Variants in MPP3 observed in about 807,000 individuals in gnomAD.
MPP3 encodes the protein MAGUK p55 subfamily member 3.
Under a neutral mutation model 80.7 loss-of-function variants are expected in MPP3, and 48 were observed. The observed-to-expected ratio is 0.59, with a 90% CI of 0.47 to 0.76. MPP3 has a LOEUF of 0.76. MPP3 is among the 30% of genes least tolerant of loss of function. The probability of loss-of-function intolerance (pLI) is 0.00; values close to 1 mark genes in which losing one functional copy is unlikely to be tolerated. For missense variants in MPP3, 620 were observed against 763.0 expected (o/e 0.81, Z 2.21); for synonymous variants, 311 against 297.6 (o/e 1.04, Z -0.46).
rs536890818 is a variant in MPP3, at chr17:43,816,659, G to C, written c.967+18C>G. 6 of 1,569,994 alleles carry C rather than the reference G, an allele frequency of 3.8e-6. No homozygotes were observed. The East Asian group carries it at 1.4e-4, about 37-fold the overall frequency. On this transcript the variant is annotated intron_variant, in intron 13 of 19. Coordinates refer to ENST00000398389, the MANE Select transcript of MPP3 (RefSeq NM_001932.6). ...AAAGGGGCCACGCCTGTGGACAGCGGATAGATACTGGGCCTACCTTTGTCA... is the reference window on the plus strand; with the variant it reads ...AAAGGGGCCACGCCTGTGGACAGCGCATAGATACTGGGCCTACCTTTGTCA...
At chr17:43,827,336 T>TC (rs2045758438) in intron 8 of MPP3, among the ~76,000 whole-genome samples, 1 of 147,136 alleles carries the variant, frequency 6.8e-6, no homozygotes, top group Admixed American at 6.7e-5. Flanking sequence ...TTTCTTTTTT[T>TC]TTTTTTTTTG....
Position 43,827,806 on chromosome 17 carries a change from G to C in MPP3, c.468C>G (p.His156Gln). Residue 156 changes from histidine to glutamine, a missense_variant, in exon 8 of 20, where the codon CAC (histidine) becomes CAG (glutamine). Physicochemically the swap from His to Gln is conservative, Grantham distance 24. Transcript: ENST00000398389. ...PLGATIRRDE[H>Q]SGAVVVARIM... Reference sequence around the variant, plus strand: ...TCCTGGCCACCACAACAGCCCCTGAGTGCTCGTCCCGCCGGATGGTGGCAC... The same window carrying C: ...TCCTGGCCACCACAACAGCCCCTGACTGCTCGTCCCGCCGGATGGTGGCAC... The C allele has an allele frequency of 6.2e-7, 1 of 1,613,222 alleles. No homozygotes were observed. The highest frequency in any genetic ancestry group is 1.1e-5 in the South Asian group (1 of 91,084).
At chr17:43,825,942 C>A (rs1219878729) in intron 8 of MPP3, 101 bp from the exon 9 acceptor site, 15 of 734,236 alleles carry the variant, frequency 2.0e-5, no homozygotes, top group Non-Finnish European at 3.7e-5. Flanking sequence ...AAGCCCACTG[C>A]AGGGCCAACT....
At chr17:43,829,551 T>G in intron 7 of MPP3, 103 bp downstream of exon 7, 2 of 1,387,398 alleles carry the variant, frequency 1.4e-6, no homozygotes, top group South Asian at 1.3e-5. Context: ...AAAGCTGCCG[T>G]CACTCACTCT....
Position 43,829,816 on chromosome 17 carries a change from A to C in MPP3, c.304-25T>G, listed in dbSNP as rs1435793159. The C allele has an allele frequency of 3.7e-6, 6 of 1,603,642 alleles. No homozygotes were observed. The South Asian group carries it at 5.6e-5, about 15-fold the overall frequency. On this transcript the variant is annotated intron_variant, in intron 6 of 19. Transcript: ENST00000398389. ...CCTGCCGGGAAAGCCAGAGAAAAGGAAGGCTGGCCCGCCGCTCACAGGGTC... is the reference window on the plus strand; with the variant it reads ...CCTGCCGGGAAAGCCAGAGAAAAGGCAGGCTGGCCCGCCGCTCACAGGGTC...
chr17:43,814,514 A>C (rs1705285688), intron 14 of MPP3, 153 bp from the exon 15 acceptor site: 9 of 658,102 alleles, frequency 1.4e-5, no homozygotes. Context: ...GAGGTTGTTC[A>C]GGAAATACAA....
At chr17:43,811,017 A>T in intron 17 of MPP3, 95 bp downstream of exon 17, 1 of 1,445,868 alleles carries the variant, frequency 6.9e-7, no homozygotes, top group Non-Finnish European at 9.7e-7. Context: ...CGCTTCCCCC[A>T]TCCTTTCCGG....
At chr17:43,827,621 A>G (rs2045774020) in intron 8 of MPP3, 130 bp downstream of exon 8, 2 of 821,752 alleles carry the variant, frequency 2.4e-6, no homozygotes, top group Admixed American at 2.5e-5. Flanking sequence ...CCACAACCCC[A>G]GAAAGCAAAG....
chr17:43,810,737 G>A, intron 18 of MPP3, 70 bp downstream of exon 18: 1 of 1,040,148 alleles, frequency 9.6e-7, no homozygotes, highest in Non-Finnish European at 1.4e-6. Context: ...GTTAAGTGTT[G>A]TGTAAAATGT....
chr17:43,818,212 A>G, intron 11 of MPP3, 102 bp from the exon 12 acceptor site: 1 of 1,039,650 alleles, frequency 9.6e-7, no homozygotes. Context: ...TGGATCCCAC[A>G]GGTGGGCACA....
chr17:43,821,442 C>T (rs932913378), intron 10 of MPP3, among the ~76,000 whole-genome samples: 2 of 152,210 alleles, frequency 1.3e-5, no homozygotes, highest in South Asian at 2.1e-4. Context: ...ATTTTTGATA[C>T]GCCAACTGCG....
chr17:43,819,829 T>C (rs1415377991), intron 11 of MPP3, among the ~76,000 whole-genome samples: 4 of 151,544 alleles, frequency 2.6e-5, no homozygotes, highest in Non-Finnish European at 5.9e-5. Context: ...AAATTCTGTA[T>C]GCAACACTCA....
At chr17:43,822,309 C>G (rs866578679) in intron 10 of MPP3, among the ~76,000 whole-genome samples, 2 of 152,210 alleles carry the variant, frequency 1.3e-5, no homozygotes, top group Admixed American at 1.3e-4. Flanking sequence ...AAAGTATCGA[C>G]TGACATCTCC....
rs572658381 is a variant in MPP3, at chr17:43,824,737, C to T, written c.610-732G>A. Among the ~76,000 whole-genome samples, 404 of 152,324 alleles carry T rather than the reference C, an allele frequency of 2.7e-3. 3 individuals carry two copies. Among genetic ancestry groups the T allele is most frequent in the Non-Finnish European group, 4.5e-3 (308 of 68,034 alleles). On this transcript the variant is annotated intron_variant, in intron 9 of 19. Coordinates refer to ENST00000398389, the MANE Select transcript of MPP3 (RefSeq NM_001932.6). ...GCAAAAGGACTGAAGGGCCTGCCTGCAATCCGCATCCTCTACAGAGAGGGC... is the reference window on the plus strand; with the variant it reads ...GCAAAAGGACTGAAGGGCCTGCCTGTAATCCGCATCCTCTACAGAGAGGGC...
At chr17:43,810,778 A>G in intron 18 of MPP3, 29 bp downstream of exon 18, 1 of 1,480,740 alleles carries the variant, frequency 6.8e-7, no homozygotes, top group African/African-American at 1.4e-5. Flanking sequence ...TCCGTTAACC[A>G]GAAATGGCCA....
At chr17:43,831,465 G>T in intron 4 of MPP3, 94 bp downstream of exon 4, 1 of 1,309,842 alleles carries the variant, frequency 7.6e-7, no homozygotes, top group Non-Finnish European at 1.1e-6. Flanking sequence ...AGGCCTTCCT[G>T]GGGCAGGGAG....
intron 19 of MPP3, among the ~76,000 whole-genome samples, chr17:43,802,325 A>G (rs2044444954): frequency 6.6e-6 from 1 of 152,228 alleles, no homozygotes; most frequent in Admixed American, 6.5e-5. Context: ...CAGAGCAAAC[A>G]TTTCTGCAAT....
At position 43,810,864 on chromosome 17, in the gene MPP3, C is replaced by T. The variant is rs1394480290; in HGVS notation, c.1401G>A (p.Glu467=). ...YKENLYGTSL[E]AIQAVMAKNK... ...TTTTGGCCATAACAGCCTGAATGGC[C>T]TCCAGGCTGGTTCCATACAGATTTT... The change falls in exon 18 of 20, where the codon GAG becomes GAA. Residue 467 remains glutamate, a synonymous_variant. Coordinates refer to ENST00000398389, the MANE Select transcript of MPP3 (RefSeq NM_001932.6). 1.2e-6 allele frequency: 2 copies of T among 1,612,144 alleles called. No homozygotes were observed. The highest frequency in any genetic ancestry group is 1.7e-6 in the Non-Finnish European group (2 of 1,179,540).
chr17:43,824,838 G>A (rs771328175), intron 9 of MPP3, among the ~76,000 whole-genome samples: 2 of 151,974 alleles, frequency 1.3e-5, no homozygotes, highest in South Asian at 2.1e-4. Flanking sequence ...GCAGTGGCAC[G>A]ATCTCGACTC....
Sources: allele counts gnomAD v4.1 joint callset (sites outside exome capture counted in the v4.1 genomes callset), GRCh38; gene constraint gnomAD v4.1.1; transcripts MANE v1.5; gene names NCBI Gene and HGNC (gene_info 2026-07-23, HGNC 2026-07-21).